The following HERC3 variants were observed in gnomAD, a reference collection of about 807,000 sequenced individuals.
HERC3 encodes probable E3 ubiquitin-protein ligase HERC3.
A neutral mutation model predicts 129.9 loss-of-function variants in HERC3; 58 were observed. The observed-to-expected ratio is 0.45, with a 90% CI of 0.36 to 0.56. The LOEUF is 0.56. Among genes scored for constraint, HERC3 ranks in the 20% least tolerant of loss-of-function variants. The pLI, the probability that HERC3 is intolerant of heterozygous loss-of-function variation, is 0.00. For missense variants in HERC3, 835 were observed against 1,244.2 expected (o/e 0.67, Z 4.95); for synonymous variants, 430 against 451.0 (o/e 0.95, Z 0.59).
Position 88,699,030 on chromosome 4 carries a change from C to T in HERC3, c.2658-5068C>T, listed in dbSNP as rs1353220795. ...ACCCTCTTCTTCCTCACCCTCTTCA[C>T]CCTCTTCTTCCTCACGCTCCTCACC... On this transcript the variant is annotated intron_variant, in intron 23 of 25. Transcript: ENST00000402738. Among the ~76,000 whole-genome samples the T allele has an allele frequency of 3.4e-4, 34 of 100,304 alleles. 3 individuals are homozygous for T. The highest frequency in any genetic ancestry group is 4.3e-4 in the Non-Finnish European group (22 of 50,756). 65.8% of individuals were successfully genotyped at this position (100,304 alleles called of 152,430 possible). A position where few individuals can be genotyped will look rare whatever the true frequency, so the allele number is the denominator to read the frequency against.
chr4:88,527,810 T>C, the HERC3 span: 1 of 331,990 alleles, frequency 3.0e-6, no homozygotes, highest in Admixed American at 3.4e-5. Context: ...ATCTTGGCCA[T>C]CCTGCACTTT....
At chr4:88,538,542 CCT>C in the HERC3 span, among the ~76,000 whole-genome samples, 369 of 139,618 alleles carry the variant, frequency 2.6e-3, 2 homozygotes, top group African/African-American at 9.9e-3. Context: ...GTCCCAATTT[CCT>C]CTTTTTTTTT....
rs774497579 is a variant in HERC3, at chr4:88,676,235, A to G, written c.1929A>G (p.Ile643Met). ...HQAGMKARPS[I>M]IQDTVTLCSY... Reference sequence around the variant, plus strand: ...TTACACAGAAGGCTAGACCATCAATAATACAGGTAAATGATCCTTTTTAAA... The same window carrying G: ...TTACACAGAAGGCTAGACCATCAATGATACAGGTAAATGATCCTTTTTAAA... The change falls in exon 17 of 26, where the codon ATA (isoleucine) becomes ATG (methionine). Residue 643 changes from isoleucine (I) to methionine (M), a missense_variant. Physicochemically the swap from Ile to Met is conservative, Grantham distance 10 (BLOSUM62 1). Coordinates refer to ENST00000402738, the MANE Select transcript of HERC3 (RefSeq NM_014606.3). 1 of 1,570,490 alleles carries G rather than the reference A, an allele frequency of 6.4e-7. No homozygotes were observed. Among genetic ancestry groups the G allele is most frequent in the South Asian group, 1.1e-5 (1 of 89,960 alleles).
At chr4:88,535,684 T>C in the HERC3 span, among the ~76,000 whole-genome samples, 10 of 152,052 alleles carry the variant, frequency 6.6e-5, no homozygotes, top group African/African-American at 2.4e-4. Context: ...TCAGCTCAGG[T>C]CTCTCTTCCT....
chr4:88,569,641 C>G, the HERC3 span, among the ~76,000 whole-genome samples: 1 of 152,106 alleles, frequency 6.6e-6, no homozygotes, highest in African/African-American at 2.4e-5. Context: ...TTAATTTGCC[C>G]CCATTTGTTT....
At chr4:88,695,685 G>T (rs1041438299) in intron 23 of HERC3, among the ~76,000 whole-genome samples, 1 of 152,144 alleles carries the variant, frequency 6.6e-6, no homozygotes, top group African/African-American at 2.4e-5. Flanking sequence ...TAATAGCTAA[G>T]AATTATTCAG....
intron 3 of HERC3, among the ~76,000 whole-genome samples, chr4:88,628,757 A>G (rs151133935): frequency 0.016 from 2,415 of 152,332 alleles, 56 homozygotes; most frequent in African/African-American, 0.055. Flanking sequence ...ACAGTTTAAA[A>G]TAGTATAAAA....
At chr4:88,658,627 A>C (rs1730166529) in intron 10 of HERC3, 136 bp downstream of exon 10, 1 of 485,176 alleles carries the variant, frequency 2.1e-6, no homozygotes, top group East Asian at 3.3e-5. Context: ...TAAAATAAGC[A>C]AACTAAATCT....
chr4:88,527,791 G>A, the HERC3 span: 4 of 326,784 alleles, frequency 1.2e-5, no homozygotes, highest in African/African-American at 9.0e-5. Context: ...TATCCTCCTT[G>A]CTGAGGTGAT....
chr4:88,549,731 G>A, the HERC3 span, among the ~76,000 whole-genome samples: 1 of 151,408 alleles, frequency 6.6e-6, no homozygotes, highest in Non-Finnish European at 1.5e-5. Context: ...TAGAGATGGG[G>A]TCTCGCTCTG....
intron 3 of HERC3, among the ~76,000 whole-genome samples, chr4:88,624,940 A>C (rs1725928704): frequency 6.6e-6 from 1 of 152,128 alleles, no homozygotes; most frequent in Non-Finnish European, 1.5e-5. Flanking sequence ...TTTCAGCATC[A>C]TTATTGAAAA....
rs1336673525 is a variant in HERC3 at position 88,704,863 on chromosome 4, C to CTTTCTTTTTTTTTTTTTTTTTT, written c.2944+256_2944+257insCTTTTTTTTTTTTTTTTTTTTT. 4.6e-5 allele frequency among the ~76,000 whole-genome samples: 6 copies of CTTTCTTTTTTTTTTTTTTTTTT among 130,672 alleles called. No homozygotes were observed. The East Asian group carries it at 7.0e-4, about 15-fold the overall frequency. The allele number at this position is 130,672 out of a possible 152,430, so 85.7% of individuals were successfully genotyped here. ...TCACTGATTTTTCTTTTCTTTCTTT[C>CTTTCTTTTTTTTTTTTTTTTTT]TTTTTTTTTTTTTTTGAGACAGAGT... is the stretch of plus-strand genomic sequence containing the variant. On this transcript the variant is annotated intron_variant, in intron 25 of 25. Transcript: ENST00000402738.
the HERC3 span, chr4:88,583,646 A>G: frequency 6.6e-6 from 1 of 152,186 alleles, no homozygotes; most frequent in Non-Finnish European, 1.5e-5. Flanking sequence ...ATATGGAGCT[A>G]TGATTTGACT....
At chr4:88,617,668 G>A (rs1415582782) in intron 3 of HERC3, among the ~76,000 whole-genome samples, 1 of 152,034 alleles carries the variant, frequency 6.6e-6, no homozygotes. Context: ...TCAGGAGATC[G>A]AGACCATCCT....
In HERC3 at chr4:88,708,361, TGTA is replaced by T. The variant is rs1735934809; in HGVS notation, c.*1403_*1405del. 1 of 152,596 alleles carries T rather than the reference TGTA, an allele frequency of 6.6e-6. No individual in the cohort carries two copies. The highest frequency in any genetic ancestry group is 1.5e-5 in the Non-Finnish European group (1 of 68,024). The allele number at this position is 152,596 out of a possible 1,614,324, so 9.5% of individuals were successfully genotyped here. On this transcript the variant is annotated 3_prime_UTR_variant, in exon 26 of 26. Transcript: ENST00000402738. The stretch of plus-strand genomic sequence containing the variant: ...AAAGCATCAAATCTTGATGAAGGAT[TGTA>T]GATTTTTGCTTTTTCTTTTTGTTTT...
chr4:88,704,655 C>T, intron 25 of HERC3, 45 bp downstream of exon 25: 1 of 1,191,758 alleles, frequency 8.4e-7, no homozygotes, highest in Non-Finnish European at 1.3e-6. Context: ...ACATTTTAGT[C>T]TTACATACAG....
chr4:88,671,710 G>A (rs892139404), intron 16 of HERC3, among the ~76,000 whole-genome samples: 2 of 152,030 alleles, frequency 1.3e-5, no homozygotes, highest in African/African-American at 4.8e-5. Context: ...TTTTTGTAGA[G>A]ATGGGGTTTT....
intron 3 of HERC3, among the ~76,000 whole-genome samples, chr4:88,624,944 T>G (rs1232703237): frequency 6.6e-6 from 1 of 152,178 alleles, no homozygotes. Context: ...AGCATCATTA[T>G]TGAAAAGACT....
chr4:88,568,454 G>T, the HERC3 span, among the ~76,000 whole-genome samples: 45 of 152,280 alleles, frequency 3.0e-4, no homozygotes, highest in African/African-American at 9.9e-4. Context: ...TCTACATGGT[G>T]CTGTATTCTA....
Sources: gnomAD v4.1 joint callset for allele counts (sites outside exome capture counted in the v4.1 genomes callset) on GRCh38, gnomAD v4.1.1 for gene constraint, MANE v1.5 for transcripts, NCBI Gene and HGNC (gene_info 2026-07-23, HGNC 2026-07-21) for gene names.